SELENOS: variants seen among roughly 807,000 people sequenced by gnomAD.
SELENOS encodes the protein selenoprotein S.
In SELENOS, 37 loss-of-function variants were observed where a neutral mutation model predicts 30.2. That is an observed-to-expected ratio of 1.23 (90% CI 0.94 to 1.61). The LOEUF (loss-of-function observed/expected upper bound fraction) is 1.61. Among genes scored for constraint, SELENOS ranks in the 40% most tolerant of loss-of-function variants. The pLI is 0.00. For synonymous variants in SELENOS, 119 were observed against 91.6 expected (o/e 1.30, Z -1.71); for missense variants, 289 against 231.8 (o/e 1.25, Z -1.60).
At chr15:101,274,190 C>T in intron 5 of SELENOS, 2 of 584,374 alleles carry the variant, frequency 3.4e-6, no homozygotes, top group Non-Finnish European at 6.1e-6. Flanking sequence ...TTAGCTCTCC[C>T]TCTACGGGGC....
intron 5 of SELENOS, among the ~76,000 whole-genome samples, chr15:101,273,063 G>A (rs927853985): frequency 6.6e-6 from 1 of 151,732 alleles, no homozygotes; most frequent in East Asian, 1.9e-4. Context: ...TGTCTGGTGG[G>A]GAAAAAAGTC....
At position 101,277,430 on chromosome 15, in the gene SELENOS, C is replaced by G. The variant is rs1335212904; in HGVS notation, c.-13G>C. On this transcript the variant is annotated 5_prime_UTR_variant, in exon 1 of 6. Transcript: ENST00000526049. ...CTTGGCGTTCCATGACCGCCGCCGC[C>G]GCCGCCGCCCAGCCCTGCCGCCGCG... 1 of 1,463,248 alleles carries G rather than the reference C, an allele frequency of 6.8e-7. No homozygotes were observed. The highest frequency in any genetic ancestry group is 1.3e-5 in the South Asian group (1 of 75,650). 90.6% of individuals were successfully genotyped at this position (1,463,248 alleles called of 1,614,324 possible).
In SELENOS at chr15:101,276,532, G is replaced by A. The variant is rs1258763742; in HGVS notation, c.211+9C>T. 1 of 1,591,734 alleles carries A rather than the reference G, an allele frequency of 6.3e-7. No homozygotes were observed. The highest frequency in any genetic ancestry group is 8.5e-7 in the Non-Finnish European group (1 of 1,172,872). ...ACCACCGCTTTCATTTCGGTTATCA[G>A]GCACTAACCCACAGCAGCCGCAGCT... is the stretch of plus-strand genomic sequence containing the variant. On this transcript the variant is annotated intron_variant, in intron 2 of 5. Coordinates refer to ENST00000526049, the MANE Select transcript of SELENOS (RefSeq NM_018445.6).
intron 1 of SELENOS, chr15:101,276,902 T>TA (rs973163173): frequency 2.5e-4 from 140 of 561,742 alleles, no homozygotes; most frequent in African/African-American, 1.3e-3. Flanking sequence ...CGGGGGCAGT[T>TA]AGAGTGTGGA....
chr15:101,277,218 C>T, intron 1 of SELENOS, 124 bp downstream of exon 1: 1 of 1,478,346 alleles, frequency 6.8e-7, no homozygotes, highest in Non-Finnish European at 9.1e-7. Flanking sequence ...GCGTAAGCGC[C>T]AACGCCCGAC....
rs752716939 is a variant in SELENOS at position 101,276,659 on chromosome 15, G to A, written c.93C>T (p.Ala31=). The change falls in exon 2 of 6, where the codon GCC becomes GCT. Residue 31 remains alanine, a synonymous_variant. Transcript: ENST00000526049. ...FLHTTVGSLL[A]TYGWYIVFSC... Reference sequence around the variant, plus strand: ...TGAAGACGATGTACCAGCCATAGGTGGCCAGCAGGGAGCCCACTGAAAAGA... The same window carrying A: ...TGAAGACGATGTACCAGCCATAGGTAGCCAGCAGGGAGCCCACTGAAAAGA... The A allele has an allele frequency of 2.4e-5, 38 of 1,605,572 alleles. No individual in the cohort carries two copies. The highest frequency in any genetic ancestry group is 3.1e-5 in the Non-Finnish European group (36 of 1,177,886).
chr15:101,272,166 T>C (rs181946524), downstream of SELENOS: 1 of 152,340 alleles, frequency 6.6e-6, no homozygotes, highest in Non-Finnish European at 1.5e-5. Context: ...TGAGTAATAA[T>C]AAATAGAGAA....
chr15:101,274,022 G>C (rs577899016), intron 5 of SELENOS: 1 of 225,154 alleles, frequency 4.4e-6, no homozygotes, highest in South Asian at 8.1e-5. Flanking sequence ...GAGTCCCCGG[G>C]GCAGTGCTGC....
At chr15:101,276,788 G>T in intron 1 of SELENOS, 113 bp from the exon 2 acceptor site, 1 of 1,341,426 alleles carries the variant, frequency 7.5e-7, no homozygotes, top group Non-Finnish European at 1.0e-6. Context: ...TCATGGTCTA[G>T]GCTGAGGAAA....
Position 101,272,671 on chromosome 15 carries a change from C to T in SELENOS, c.*100G>A, listed in dbSNP as rs2039280303. On this transcript the variant is annotated 3_prime_UTR_variant, in exon 6 of 6. Transcript: ENST00000526049. ...TAGTTAGGAACAGAAATCAACCCCA[C>T]CTCCCCTTGGCTAGTCACTGTGAAA... The T allele has an allele frequency of 7.9e-7, 1 of 1,266,286 alleles. No homozygotes were observed. The allele number at this position is 1,266,286 out of a possible 1,614,324, so 78.4% of individuals were successfully genotyped here. A position where few individuals can be genotyped will look rare whatever the true frequency, so the allele number is the denominator to read the frequency against.
At chr15:101,274,346 A>G in intron 5 of SELENOS, 74 bp downstream of exon 5, 1 of 1,471,674 alleles carries the variant, frequency 6.8e-7, no homozygotes. Flanking sequence ...GAAACAAACA[A>G]TCTTGTTCCT....
chr15:101,274,250 TAGTG>T (rs1469916171), intron 5 of SELENOS, 166 bp downstream of exon 5: 1 of 725,706 alleles, frequency 1.4e-6, no homozygotes, highest in Non-Finnish European at 2.3e-6. Context: ...TCTAAGTACT[TAGTG>T]AGGACCTAGG....
downstream of SELENOS, among the ~76,000 whole-genome samples, chr15:101,271,947 C>T (rs746467967): frequency 6.6e-6 from 1 of 152,190 alleles, no homozygotes; most frequent in Admixed American, 6.5e-5. Flanking sequence ...TGGACAAGAG[C>T]GTAAAAGATG....
chr15:101,273,392 T>A (rs2141296474), intron 5 of SELENOS, among the ~76,000 whole-genome samples: 1 of 152,300 alleles, frequency 6.6e-6, no homozygotes, highest in Non-Finnish European at 1.5e-5. Flanking sequence ...ACCCAGAACT[T>A]AAATGTTACT....
chr15:101,273,099 G>A (rs1300413320), intron 5 of SELENOS, among the ~76,000 whole-genome samples: 2 of 151,718 alleles, frequency 1.3e-5, no homozygotes, highest in Non-Finnish European at 2.9e-5. Flanking sequence ...CCCAACCTCC[G>A]AAACACATGC....
intron 5 of SELENOS, among the ~76,000 whole-genome samples, chr15:101,273,811 C>T (rs1237213205): frequency 1.3e-5 from 2 of 152,218 alleles, no homozygotes; most frequent in Non-Finnish European, 2.9e-5. Flanking sequence ...TGCGGTGCCC[C>T]TCTCCTCCTA....
intron 4 of SELENOS, 41 bp downstream of exon 4, chr15:101,274,551 C>A: frequency 6.2e-7 from 1 of 1,610,122 alleles, no homozygotes; most frequent in Non-Finnish European, 8.5e-7. Flanking sequence ...ACTTGGCAAT[C>A]TTCATCTACC....
chr15:101,276,759 A>T (rs2039332870), intron 1 of SELENOS, 84 bp from the exon 2 acceptor site: 7 of 1,500,194 alleles, frequency 4.7e-6, no homozygotes, highest in Non-Finnish European at 6.3e-6. Flanking sequence ...ACAAAGTGTA[A>T]CTCCTGCCCT....
At position 101,276,583 on chromosome 15, in the gene SELENOS, C is replaced by A; in HGVS notation, c.169G>T (p.Ala57Ser). The A allele has an allele frequency of 6.2e-7, 1 of 1,613,820 alleles. No individual in the cohort carries two copies. The highest frequency in any genetic ancestry group is 8.5e-7 in the Non-Finnish European group (1 of 1,179,832). Residue 57 changes from alanine to serine, a missense_variant, in exon 2 of 6, where the codon GCC becomes TCC. By Grantham distance (99) the Ala-to-Ser change is moderately conservative. Transcript: ENST00000526049. ...CGGTCCAGCTGCCTCTGCCTCAAGG[C>A]TCTTAGCCGGGCGGAAAGCTTCTGA... ...VFQKLSARLR[A>S]LRQRQLDRAA... is the part of the protein sequence containing the mutation.
Sources: allele counts gnomAD v4.1 joint callset (sites outside exome capture counted in the v4.1 genomes callset), GRCh38; gene constraint gnomAD v4.1.1; transcripts MANE v1.5; gene names NCBI Gene and HGNC (gene_info 2026-07-23, HGNC 2026-07-21).